The following PVT1 variants were observed in gnomAD, a reference collection of about 807,000 sequenced individuals.
The protein encoded by PVT1 is Pvt1 oncogene.
At chr8:127,800,370 G>T (rs979050667) in intron 2 of PVT1, among the ~76,000 whole-genome samples, 1 of 152,160 alleles carries the variant, frequency 6.6e-6, no homozygotes, top group African/African-American at 2.4e-5. Context: ...TGTCCTAGTG[G>T]ATGTCACACA....
At chr8:127,985,301 G>C (rs1217530847) in intron 3 of PVT1, among the ~76,000 whole-genome samples, 1 of 151,844 alleles carries the variant, frequency 6.6e-6, no homozygotes, top group South Asian at 2.1e-4. Flanking sequence ...CAAAGTGTTG[G>C]GATTACAGGC....
At chr8:128,016,434 A>G (rs773387901) in intron 4 of PVT1, among the ~76,000 whole-genome samples, 4 of 152,186 alleles carry the variant, frequency 2.6e-5, no homozygotes, top group Non-Finnish European at 5.9e-5. Flanking sequence ...GTAGGTACAC[A>G]TGGCCTCACA....
chr8:128,013,393 T>C (rs1333732728), intron 4 of PVT1, among the ~76,000 whole-genome samples: 1 of 151,830 alleles, frequency 6.6e-6, no homozygotes, highest in Non-Finnish European at 1.5e-5. Context: ...CCTGTTTTTT[T>C]TTCCCCCTGG....
chr8:127,880,323 C>T (rs888112347), intron 2 of PVT1, among the ~76,000 whole-genome samples: 7 of 152,130 alleles, frequency 4.6e-5, no homozygotes, highest in African/African-American at 7.2e-5. Context: ...CGGAGTCTTG[C>T]TCTGTCCCCC....
At chr8:127,905,147 A>G (rs1383030737) in intron 3 of PVT1, among the ~76,000 whole-genome samples, 1 of 152,230 alleles carries the variant, frequency 6.6e-6, no homozygotes, top group Non-Finnish European at 1.5e-5. Context: ...AAATGCTCAG[A>G]TGAATACTTA....
intron 2 of PVT1, among the ~76,000 whole-genome samples, chr8:127,873,901 G>A (rs1206812609): frequency 6.6e-6 from 1 of 152,190 alleles, no homozygotes; most frequent in East Asian, 1.9e-4. Flanking sequence ...ACATACAATA[G>A]GTGTGCAGTA....
rs146206772 is a variant in PVT1, at chr8:128,013,616, A to C, written n.912+24325A>C. 6.5e-4 allele frequency among the ~76,000 whole-genome samples: 99 copies of C among 152,344 alleles called. 1 individual carries two copies. The highest frequency in any genetic ancestry group is 2.9e-3 in the East Asian group (15 of 5,184). On this transcript the variant is annotated intron_variant and non_coding_transcript_variant, in intron 4 of 10. Coordinates refer to ENST00000651587, the Ensembl canonical transcript of PVT1. ...AAGAGGACAGATGATGACAAGAGGAAGTGGAAATAGGCTAGGATGCTACGG... is the reference window on the plus strand; with the variant it reads ...AAGAGGACAGATGATGACAAGAGGACGTGGAAATAGGCTAGGATGCTACGG...
chr8:127,817,498 C>CAT (rs1814677093), intron 2 of PVT1, among the ~76,000 whole-genome samples: 1 of 115,332 alleles, frequency 8.7e-6, no homozygotes, highest in South Asian at 2.7e-4. Flanking sequence ...TGTGTATATA[C>CAT]ATATATATTT....
chr8:127,957,107 T>G (rs1816579034), intron 3 of PVT1, among the ~76,000 whole-genome samples: 1 of 152,182 alleles, frequency 6.6e-6, no homozygotes, highest in African/African-American at 2.4e-5. Context: ...GTACCATCCC[T>G]ATTTTGCACA....
At chr8:127,889,037 TTTCTTCCTTCCTTC>T (rs1563631159) in intron 2 of PVT1, among the ~76,000 whole-genome samples, 343 of 28,868 alleles carry the variant, frequency 0.012, 11 homozygotes, top group East Asian at 0.027. Flanking sequence ...TCTCTCTTTC[TTTCTTCCTTCCTTC>T]CTTCCTTCCT....
intron 4 of PVT1, among the ~76,000 whole-genome samples, chr8:128,014,357 C>G (rs1318464123): frequency 6.6e-6 from 1 of 152,184 alleles, no homozygotes; most frequent in East Asian, 1.9e-4. Flanking sequence ...GGTGCTGAAA[C>G]AACGCTCCCT....
intron 4 of PVT1, among the ~76,000 whole-genome samples, chr8:128,062,114 A>G (rs1813838774): frequency 6.6e-6 from 1 of 152,178 alleles, no homozygotes; most frequent in Non-Finnish European, 1.5e-5. Context: ...AGTGAAAAGG[A>G]GGCTATTTTT....
intron 4 of PVT1, among the ~76,000 whole-genome samples, chr8:128,050,044 C>T (rs896607373): frequency 2.6e-4 from 39 of 152,052 alleles, no homozygotes; most frequent in African/African-American, 8.7e-4. Flanking sequence ...ATTGGAGACA[C>T]GTGCTCTGGG....
chr8:127,959,499 C>T (rs1586456089), intron 3 of PVT1, among the ~76,000 whole-genome samples: 1 of 149,534 alleles, frequency 6.7e-6, no homozygotes, highest in Admixed American at 6.7e-5. Context: ...GCAAGAGAAT[C>T]GCTTGAACCC....
At chr8:127,956,608 C>T (rs996685191) in intron 3 of PVT1, among the ~76,000 whole-genome samples, 1 of 152,252 alleles carries the variant, frequency 6.6e-6, no homozygotes, top group African/African-American at 2.4e-5. Flanking sequence ...CCTCAGCCTC[C>T]CGAGTAGCTG....
intron 4 of PVT1, among the ~76,000 whole-genome samples, chr8:128,000,776 G>GC (rs1285218406): frequency 6.6e-6 from 1 of 152,128 alleles, no homozygotes; most frequent in Non-Finnish European, 1.5e-5. Flanking sequence ...GGAACCAGCT[G>GC]CGTTGTGCTA....
At chr8:127,883,819 T>G (rs189611038) in intron 2 of PVT1, among the ~76,000 whole-genome samples, 127 of 152,168 alleles carry the variant, frequency 8.3e-4, no homozygotes, top group Non-Finnish European at 1.5e-3. Context: ...CAGAGCATGC[T>G]TATTGTGAAG....
At chr8:127,902,339 T>C (rs930693704) in intron 3 of PVT1, among the ~76,000 whole-genome samples, 1 of 152,158 alleles carries the variant, frequency 6.6e-6, no homozygotes, top group Non-Finnish European at 1.5e-5. Context: ...TCATTGTGTA[T>C]ACTTGGTTCC....
At chr8:127,887,055 C>T (rs1187268504) in intron 2 of PVT1, among the ~76,000 whole-genome samples, 2 of 152,192 alleles carry the variant, frequency 1.3e-5, no homozygotes, top group African/African-American at 4.8e-5. Context: ...GTTCTTTTGG[C>T]TTTAACTGGG....
Sources: allele counts gnomAD v4.1 joint callset (sites outside exome capture counted in the v4.1 genomes callset), GRCh38; gene constraint gnomAD v4.1.1; transcripts MANE v1.5; gene names NCBI Gene and HGNC (gene_info 2026-07-23, HGNC 2026-07-21).